MYH11: variants seen among roughly 807,000 people sequenced by gnomAD.
MYH11 encodes myosin-11.
In MYH11, 80 loss-of-function variants were observed where a neutral mutation model predicts 246.6. That is an observed-to-expected ratio of 0.32 (90% CI 0.27 to 0.39). MYH11 has a LOEUF of 0.39. Ranked by LOEUF, MYH11 falls within the 10% of genes least tolerant of loss-of-function variation. The pLI is 1.00. For synonymous variants in MYH11, 1,071 were observed against 1,015.5 expected, an observed-to-expected ratio of 1.05 and a Z score of -1.04; for missense variants, 2,158 against 2,546.8, an observed-to-expected ratio of 0.85 and a Z score of 3.29.
At chr16:15,741,362 T>A (rs2041266037) in intron 22 of MYH11, 101 bp downstream of exon 22, 1 of 1,310,742 alleles carries the variant, frequency 7.6e-7, no homozygotes, top group African/African-American at 1.4e-5. Context: ...TCTCATCATC[T>A]GTCCCAGCAG....
chr16:15,798,624 C>CAAAAAAAAAAAAAAAAAAA, intron 4 of MYH11, 36 bp downstream of exon 4: 2 of 870,258 alleles, frequency 2.3e-6, no homozygotes, highest in Admixed American at 3.7e-5. Flanking sequence ...AAAAAAAAAA[C>CAAAAAAAAAAAAAAAAAAA]AAAAAAAAAA....
Position 15,735,447 on chromosome 16 carries a change from C to T in MYH11, c.3425G>A (p.Arg1142Gln), listed in dbSNP as rs762541348. ...GGCCTCCAGCTCCTCGCCGAGGTCTCGCTTCTGCTTTTCAGCCTTGTTCCT... is the reference window on the plus strand; with the variant it reads ...GGCCTCCAGCTCCTCGCCGAGGTCTTGCTTCTGCTTTTCAGCCTTGTTCCT... Reference protein sequence around the residue: ...AARNKAEKQKRDLGEELEALK... With the variant: ...AARNKAEKQKQDLGEELEALK... Residue 1142 changes from arginine (R) to glutamine (Q), a missense_variant, in exon 26 of 41, where the codon CGA becomes CAA. This residue lies in a region of MYH11 where 284 missense variants were observed against 315.4 expected (regional missense o/e 0.90). Coordinates refer to ENST00000300036, the MANE Select transcript of MYH11 (RefSeq NM_002474.3). The T allele has an allele frequency of 4.3e-6, 7 of 1,613,956 alleles. No homozygotes were observed. The highest frequency in any genetic ancestry group is 3.3e-5 in the Admixed American group (2 of 59,974).
chr16:15,834,313 G>A (rs939833183), intron 2 of MYH11, among the ~76,000 whole-genome samples: 3 of 152,086 alleles, frequency 2.0e-5, no homozygotes, highest in African/African-American at 7.2e-5. Flanking sequence ...GATCACCTGA[G>A]GTCAGGAGTT....
chr16:15,854,441 G>A (rs917557276), intron 1 of MYH11, among the ~76,000 whole-genome samples: 3 of 152,150 alleles, frequency 2.0e-5, no homozygotes, highest in Non-Finnish European at 2.9e-5. Context: ...TTCCTTACTG[G>A]TTAGCTGAGC....
At chr16:15,765,323 T>C (rs1024250245) in intron 9 of MYH11, among the ~76,000 whole-genome samples, 3 of 151,714 alleles carry the variant, frequency 2.0e-5, no homozygotes, top group Non-Finnish European at 4.4e-5. Flanking sequence ...AGACGGATGA[T>C]GGATGGATGG....
intron 3 of MYH11, among the ~76,000 whole-genome samples, chr16:15,799,211 C>T (rs939899770): frequency 1.3e-5 from 2 of 152,160 alleles, no homozygotes; most frequent in Non-Finnish European, 2.9e-5. Context: ...CCCCATCACC[C>T]CTACCGTCAT....
At chr16:15,822,398 C>T (rs2043438119) in intron 3 of MYH11, among the ~76,000 whole-genome samples, 3 of 152,016 alleles carry the variant, frequency 2.0e-5, no homozygotes, top group Admixed American at 1.3e-4. Flanking sequence ...GGTGAGAAGG[C>T]CTGGGTGCAG....
intron 1 of MYH11, among the ~76,000 whole-genome samples, chr16:15,855,760 G>A (rs533283500): frequency 2.0e-5 from 3 of 152,244 alleles, no homozygotes; most frequent in East Asian, 1.9e-4. Flanking sequence ...GTCAAGTTCC[G>A]TCTCTGAACA....
At chr16:15,732,437 A>G (rs1424155457) in intron 27 of MYH11, 127 bp downstream of exon 27, 3 of 1,368,488 alleles carry the variant, frequency 2.2e-6, no homozygotes, top group Non-Finnish European at 3.1e-6. Flanking sequence ...ATAAGCTGCT[A>G]TCATCATCAT....
At chr16:15,731,814 A>G (rs2040969674) in intron 27 of MYH11, among the ~76,000 whole-genome samples, 1 of 151,796 alleles carries the variant, frequency 6.6e-6, no homozygotes, top group Non-Finnish European at 1.5e-5. Flanking sequence ...TGTTTGATTA[A>G]GGTCTCACTG....
At chr16:15,728,303 A>G (rs765040538) in intron 27 of MYH11, among the ~76,000 whole-genome samples, 13 of 152,204 alleles carry the variant, frequency 8.5e-5, no homozygotes, top group Non-Finnish European at 1.2e-4. Context: ...ATTTGTTAAA[A>G]TTAATGGAGC....
chr16:15,725,878 C>G (rs1361068849), intron 28 of MYH11: 3 of 393,182 alleles, frequency 7.6e-6, no homozygotes, highest in Non-Finnish European at 4.5e-6. Context: ...GAGTAAGGAT[C>G]AACATACATG....
chr16:15,822,230 G>A (rs1323729282), intron 3 of MYH11, among the ~76,000 whole-genome samples: 1 of 152,170 alleles, frequency 6.6e-6, no homozygotes. Flanking sequence ...TCAGATCCCT[G>A]GGTTCCCACC....
chr16:15,823,255 C>T lies in MYH11; in HGVS notation c.502G>A (p.Asp168Asn), dbSNP rs1225487568. The change falls in exon 3 of 41, where the codon GAT (aspartate) becomes AAT (asparagine). Residue 168 changes from aspartate (D) to asparagine (N), a missense_variant and splice_region_variant. Physicochemically the swap from Asp to Asn is conservative, Grantham distance 23 (BLOSUM62 1). Around this residue, in one of 11 missense-constraint regions of MYH11, gnomAD observed 123 missense variants for 207.1 expected, o/e 0.59. Coordinates refer to ENST00000300036, the MANE Select transcript of MYH11 (RefSeq NM_002474.3). Reference protein sequence around the residue: ...ADTAYRSMLQDREDQSILCTG... With the variant: ...ADTAYRSMLQNREDQSILCTG... ...CCCGTGCAGCCCTGAGTTCACTCAC[C>T]TTGAAGCATGCTCCGGTAGGCCGTG... is the stretch of plus-strand genomic sequence containing the variant. 1 of 1,614,160 alleles carries T rather than the reference C, an allele frequency of 6.2e-7. No homozygotes were observed. Among genetic ancestry groups the T allele is most frequent in the Non-Finnish European group, 8.5e-7 (1 of 1,180,038 alleles).
chr16:15,834,790 C>A (rs1196556216), intron 2 of MYH11, among the ~76,000 whole-genome samples: 1 of 152,068 alleles, frequency 6.6e-6, no homozygotes, highest in South Asian at 2.1e-4. Flanking sequence ...ATAGTTACGG[C>A]CAGGCACAGT....
chr16:15,804,710 C>T (rs2042970080), intron 3 of MYH11, among the ~76,000 whole-genome samples: 2 of 152,250 alleles, frequency 1.3e-5, no homozygotes, highest in South Asian at 4.1e-4. Context: ...TGCTTTCTGT[C>T]TCTATGGTCT....
intron 3 of MYH11, among the ~76,000 whole-genome samples, chr16:15,798,979 C>G (rs1217598556): frequency 6.6e-6 from 1 of 152,182 alleles, no homozygotes; most frequent in Non-Finnish European, 1.5e-5. Flanking sequence ...GGGAGGCCCA[C>G]CCCACCCAGA....
At chr16:15,804,297 G>A (rs914973986) in intron 3 of MYH11, among the ~76,000 whole-genome samples, 23 of 152,236 alleles carry the variant, frequency 1.5e-4, no homozygotes, top group African/African-American at 4.6e-4. Context: ...TTGGGAGGCC[G>A]ACACAGCTGG....
chr16:15,727,770 C>T (rs2040839558), intron 27 of MYH11, among the ~76,000 whole-genome samples: 1 of 152,186 alleles, frequency 6.6e-6, no homozygotes, highest in South Asian at 2.1e-4. Flanking sequence ...GCCAGGAGTA[C>T]AAGACCAGCC....
Sources: gnomAD v4.1 joint callset for allele counts (sites outside exome capture counted in the v4.1 genomes callset) on GRCh38, gnomAD v4.1.1 for gene constraint, gnomAD v4.1.1 regional missense constraint, MANE v1.5 for transcripts, NCBI Gene and HGNC (gene_info 2026-07-23, HGNC 2026-07-21) for gene names.